LRMDA: variants seen among roughly 807,000 people sequenced by gnomAD.
The protein encoded by LRMDA is leucine-rich melanocyte differentiation-associated protein.
LRMDA carries 18 observed loss-of-function variants against 29.8 expected under a neutral mutation model. The ratio of observed to expected loss-of-function variants is 0.60; its 90% CI spans 0.42 to 0.90. The LOEUF (loss-of-function observed/expected upper bound fraction) is 0.90. Ranked by LOEUF, LRMDA falls within the 40% of genes least tolerant of loss-of-function variation. LRMDA has a pLI of 0.00. For missense variants in LRMDA, 273 were observed against 273.9 expected (o/e 1.00, Z 0.02); for synonymous variants, 125 against 109.4 (o/e 1.14, Z -0.89).
intron 2 of LRMDA, among the ~76,000 whole-genome samples, chr10:75,665,182 A>G (rs1841806613): frequency 6.6e-6 from 1 of 152,216 alleles, no homozygotes; most frequent in Non-Finnish European, 1.5e-5. Context: ...ATGCCACATC[A>G]TCGTCCCTTA....
intron 2 of LRMDA, among the ~76,000 whole-genome samples, chr10:75,801,443 G>T (rs1843742409): frequency 6.6e-6 from 1 of 152,138 alleles, no homozygotes; most frequent in South Asian, 2.1e-4. Context: ...CACCCAATAT[G>T]GTTCTCTTCT....
intron 5 of LRMDA, among the ~76,000 whole-genome samples, chr10:76,090,397 G>A (rs1306788111): frequency 1.3e-5 from 2 of 152,164 alleles, no homozygotes; most frequent in Non-Finnish European, 2.9e-5. Flanking sequence ...GAGGTTAAGA[G>A]GATGTGGAGA....
intron 6 of LRMDA, chr10:76,464,712 A>G (rs1564549008): frequency 1.3e-5 from 2 of 152,218 alleles, no homozygotes; most frequent in African/African-American, 2.4e-5. Flanking sequence ...AAAATGTCTG[A>G]AACATTTTTT....
intron 2 of LRMDA, among the ~76,000 whole-genome samples, chr10:75,932,300 G>T (rs1055415467): frequency 6.6e-6 from 1 of 152,044 alleles, no homozygotes; most frequent in Non-Finnish European, 1.5e-5. Flanking sequence ...TACTTATCTT[G>T]GGTTCTCCTT....
At chr10:75,662,413 C>T (rs1015638963) in intron 2 of LRMDA, among the ~76,000 whole-genome samples, 6 of 152,142 alleles carry the variant, frequency 3.9e-5, no homozygotes, top group African/African-American at 1.4e-4. Context: ...GAACTAACCT[C>T]CACTGCCTTC....
intron 2 of LRMDA, among the ~76,000 whole-genome samples, chr10:75,973,463 A>G (rs1170663151): frequency 1.3e-5 from 2 of 150,812 alleles, no homozygotes; most frequent in East Asian, 3.9e-4. Context: ...TTGTGGCTCA[A>G]GCTGGAGTGC....
chr10:76,272,793 A>T (rs147339949), intron 5 of LRMDA, among the ~76,000 whole-genome samples: 405 of 152,282 alleles, frequency 2.7e-3, no homozygotes, highest in African/African-American at 9.3e-3. Context: ...ATCACGGTGG[A>T]AGGCAAAGGA....
At position 75,854,064 on chromosome 10, in the gene LRMDA, G is replaced by A. The variant is rs75912193; in HGVS notation, c.132-181944G>A. Among the ~76,000 whole-genome samples, 130 of 152,226 alleles carry A rather than the reference G, an allele frequency of 8.5e-4. 1 individual carries two copies. The highest frequency in any genetic ancestry group is 3.0e-3 in the African/African-American group (124 of 41,538). ...GTTGGTCCTCATTCATCTAGCTTGCGTTTTAGAGTTGTGGTTATGTAATGG... is the reference window on the plus strand; with the variant it reads ...GTTGGTCCTCATTCATCTAGCTTGCATTTTAGAGTTGTGGTTATGTAATGG... On this transcript the variant is annotated intron_variant, in intron 2 of 6. Coordinates refer to ENST00000611255, the MANE Select transcript of LRMDA (RefSeq NM_001305581.2).
At chr10:75,906,942 T>C (rs776642001) in intron 2 of LRMDA, among the ~76,000 whole-genome samples, 1 of 152,226 alleles carries the variant, frequency 6.6e-6, no homozygotes, top group Non-Finnish European at 1.5e-5. Flanking sequence ...CTTTTCAATC[T>C]CTCTTTTTCC....
chr10:75,556,753 T>G (rs1164373828), intron 2 of LRMDA, among the ~76,000 whole-genome samples: 3 of 138,860 alleles, frequency 2.2e-5, no homozygotes, highest in African/African-American at 9.0e-5. Flanking sequence ...TGCATGATTG[T>G]TTTTTTTTTT....
At chr10:76,543,478 T>G (rs1009389398) in intron 6 of LRMDA, among the ~76,000 whole-genome samples, 1 of 152,128 alleles carries the variant, frequency 6.6e-6, no homozygotes, top group African/African-American at 2.4e-5. Flanking sequence ...ATCATCATTT[T>G]TTCTGAGTCC....
chr10:76,243,139 C>T (rs184046119), intron 5 of LRMDA, among the ~76,000 whole-genome samples: 47 of 152,264 alleles, frequency 3.1e-4, no homozygotes, highest in Admixed American at 1.8e-3. Context: ...GTGATTCTCC[C>T]GTCCGTATCA....
chr10:76,050,182 T>C (rs1199316778), intron 4 of LRMDA, among the ~76,000 whole-genome samples: 18 of 152,324 alleles, frequency 1.2e-4, no homozygotes. Flanking sequence ...AGCCCAGTTT[T>C]TAGGTCACAT....
chr10:76,455,969 A>G (rs1318823264), intron 6 of LRMDA, among the ~76,000 whole-genome samples: 2 of 152,144 alleles, frequency 1.3e-5, no homozygotes, highest in Admixed American at 6.5e-5. Context: ...TATGCACCAC[A>G]GTGAAGAAAA....
chr10:75,710,507 A>T (rs1030849346), intron 2 of LRMDA, among the ~76,000 whole-genome samples: 1 of 152,208 alleles, frequency 6.6e-6, no homozygotes, highest in African/African-American at 2.4e-5. Flanking sequence ...CTCATTCTAT[A>T]ATGTCCATCC....
At chr10:75,872,280 G>A (rs929038358) in intron 2 of LRMDA, among the ~76,000 whole-genome samples, 7 of 151,532 alleles carry the variant, frequency 4.6e-5, no homozygotes, top group East Asian at 1.9e-4. Flanking sequence ...CTTCTGATTC[G>A]TTCTATTCTC....
intron 2 of LRMDA, among the ~76,000 whole-genome samples, chr10:75,746,887 G>C (rs1328730722): frequency 6.6e-6 from 1 of 151,976 alleles, no homozygotes; most frequent in Non-Finnish European, 1.5e-5. Flanking sequence ...AGAGGGAGTT[G>C]TTCTTTTATA....
At chr10:76,036,288 AT>A (rs1357981398) in intron 3 of LRMDA, among the ~76,000 whole-genome samples, 154 bp downstream of exon 3, 1 of 152,118 alleles carries the variant, frequency 6.6e-6, no homozygotes, top group Non-Finnish European at 1.5e-5. Context: ...CAGACAAAGC[AT>A]TCTGTCTTCT....
At position 75,729,047 on chromosome 10, in the gene LRMDA, G is replaced by C. The variant is rs537437727; in HGVS notation, c.131+290553G>C. Among the ~76,000 whole-genome samples, 5 of 152,112 alleles carry C rather than the reference G, an allele frequency of 3.3e-5. No individual in the cohort carries two copies. The South Asian group carries it at 1.0e-3, about 32-fold the overall frequency. ...CTGCCTTCTCTGGGAAGGCTTTCCT[G>C]ATTTCCCCATTAAGTCTCACTCCCC... is the stretch of plus-strand genomic sequence containing the variant. On this transcript the variant is annotated intron_variant, in intron 2 of 6. Coordinates refer to ENST00000611255, the MANE Select transcript of LRMDA (RefSeq NM_001305581.2).
Sources: allele counts gnomAD v4.1 joint callset (sites outside exome capture counted in the v4.1 genomes callset), GRCh38; gene constraint gnomAD v4.1.1; transcripts MANE v1.5; gene names NCBI Gene and HGNC (gene_info 2026-07-23, HGNC 2026-07-21).